The following PLOD1 variants were observed in gnomAD, a reference collection of about 807,000 sequenced individuals.
PLOD1 encodes procollagen-lysine,2-oxoglutarate 5-dioxygenase 1.
A neutral mutation model predicts 94.7 loss-of-function variants in PLOD1; 70 were observed. That is an observed-to-expected ratio of 0.74 (90% confidence interval 0.61 to 0.90). PLOD1 has a LOEUF of 0.90. Among genes scored for constraint, PLOD1 ranks in the 40% least tolerant of loss-of-function variants. The pLI is 0.00. For synonymous variants in PLOD1, 417 were observed against 400.2 expected, an observed-to-expected ratio of 1.04 and a Z score of -0.50; for missense variants, 905 against 972.7, an observed-to-expected ratio of 0.93 and a Z score of 0.93.
Position 11,958,751 on chromosome 1 carries a change from C to T in PLOD1, c.975+104C>T, listed in dbSNP as rs1645757711. On this transcript the variant is annotated intron_variant, in intron 9 of 18. Transcript: ENST00000196061. The surrounding 1 kb of genome is among the most constrained non-coding windows in gnomAD (Gnocchi z 4.3). Reference sequence around the variant, plus strand: ...GAGGGTCTCACCGAATCTAGCTTATCTGGGCCAAATGACAATCACCAGTGG... The same window carrying T: ...GAGGGTCTCACCGAATCTAGCTTATTTGGGCCAAATGACAATCACCAGTGG... The T allele has an allele frequency of 3.7e-6, 5 of 1,356,656 alleles. No homozygotes were observed. The highest frequency in any genetic ancestry group is 1.8e-4 in the Middle Eastern group (1 of 5,610). 84.0% of individuals were successfully genotyped at this position (1,356,656 alleles called of 1,614,324 possible). A position where few individuals can be genotyped will look rare whatever the true frequency, so the allele number is the denominator to read the frequency against.
At chr1:11,971,092 AGT>A in intron 17 of PLOD1, among the ~76,000 whole-genome samples, 1 of 52,532 alleles carries the variant, frequency 1.9e-5, no homozygotes, top group African/African-American at 8.6e-5. Context: ...GGCAGGGGTG[AGT>A]GGGAGTGGAA....
At chr1:11,966,155 C>T (rs951957117) in intron 14 of PLOD1, 96 bp from the exon 15 acceptor site, 55 of 884,048 alleles carry the variant, frequency 6.2e-5, no homozygotes, top group South Asian at 1.3e-4. Flanking sequence ...CTGTCAAGCA[C>T]GTACACCTTC....
rs1363026380 is a variant in PLOD1, at chr1:11,967,612, TATAA to T, written c.1755+523_1755+526del. The stretch of plus-strand genomic sequence containing the variant: ...GTGTGTGTGTGTATATATATATATA[TATAA>T]AAAGAAATATATATAGATTTTATTT... On this transcript the variant is annotated intron_variant, in intron 16 of 18. Transcript: ENST00000196061. 2.2e-3 allele frequency among the ~76,000 whole-genome samples: 274 copies of T among 124,508 alleles called. 37 individuals are homozygous for T. Among genetic ancestry groups the T allele is most frequent in the African/African-American group, 7.9e-3 (254 of 31,972 alleles). 81.7% of individuals were successfully genotyped at this position (124,508 alleles called of 152,430 possible).
At chr1:11,948,210 A>T (rs1569682507) in intron 2 of PLOD1, 143 bp downstream of exon 2, 6 of 705,052 alleles carry the variant, frequency 8.5e-6, no homozygotes, top group African/African-American at 1.7e-5. Context: ...GATGAAAATG[A>T]GTTAGTCGGG....
intron 1 of PLOD1, among the ~76,000 whole-genome samples, chr1:11,943,126 C>T (rs1050363723): frequency 6.6e-6 from 1 of 152,060 alleles, no homozygotes; most frequent in Non-Finnish European, 1.5e-5. Context: ...GCTGGGATTA[C>T]AGGCTCCCGC....
In PLOD1 at chr1:11,966,946, G is replaced by T. The variant is rs763067845; in HGVS notation, c.1651-41G>T. 4.1e-5 allele frequency: 50 copies of T among 1,205,248 alleles called. No individual in the cohort carries two copies. The Admixed American group carries it at 8.2e-4, about 20-fold the overall frequency. 74.7% of individuals were successfully genotyped at this position (1,205,248 alleles called of 1,614,324 possible). A position where few individuals can be genotyped will look rare whatever the true frequency, so the allele number is the denominator to read the frequency against. ...TGAAGAGGAAGGAGGATTCTGTGGTGCCACTGTGGACCCCCTTGACTGAGT... is the reference window on the plus strand; with the variant it reads ...TGAAGAGGAAGGAGGATTCTGTGGTTCCACTGTGGACCCCCTTGACTGAGT... On this transcript the variant is annotated intron_variant, in intron 15 of 18. Transcript: ENST00000196061.
intron 10 of PLOD1, among the ~76,000 whole-genome samples, chr1:11,962,631 C>T (rs1333516722): frequency 6.6e-6 from 1 of 152,134 alleles, no homozygotes; most frequent in Non-Finnish European, 1.5e-5. Flanking sequence ...AGTGCAGTGG[C>T]TGTAATCCCA....
At position 11,958,517 on chromosome 1, in the gene PLOD1, A is replaced by G; in HGVS notation, c.845A>G (p.Asp282Gly). The G allele has an allele frequency of 6.2e-7, 1 of 1,613,718 alleles. No individual in the cohort carries two copies. Among genetic ancestry groups the G allele is most frequent in the Non-Finnish European group, 8.5e-7 (1 of 1,179,914 alleles). Residue 282 changes from aspartate to glycine, a missense_variant and splice_region_variant, in exon 9 of 19, where the codon GAT becomes GGT. Physicochemically the swap from Asp to Gly is moderately conservative, Grantham distance 94. Transcript: ENST00000196061. This position sits in a 1 kb window ranked among gnomAD's most constrained non-coding sequence, Gnocchi z 4.3. ...EGLRSLKGIG[D>G]EALPTVLVGV... is the part of the protein sequence containing the mutation. ...CTTGTGCCGCCCTCCCTGGTGCAGG[A>G]TGAAGCTCTGCCCACGGTCCTGGTC...
chr1:11,967,213 G>A (rs1251869307), intron 16 of PLOD1, 122 bp downstream of exon 16: 1 of 700,818 alleles, frequency 1.4e-6, no homozygotes. Context: ...TGACATAGGG[G>A]TGCTGGCATG....
chr1:11,956,806 C>T (rs1057179054), intron 6 of PLOD1, 111 bp from the exon 7 acceptor site: 6 of 774,542 alleles, frequency 7.7e-6, no homozygotes, highest in Admixed American at 1.7e-5. Flanking sequence ...AGTGACTTGC[C>T]CGAGGACATA....
At position 11,957,799 on chromosome 1, in the gene PLOD1, TG is replaced by T; in HGVS notation, c.742-39del. Reference sequence around the variant, plus strand: ...AGATGTGAGTCAGGGCTATGGCAGGTGGGGCTGGCTGGCTTCTCTGTGACCC... The same window carrying T: ...AGATGTGAGTCAGGGCTATGGCAGGTGGGCTGGCTGGCTTCTCTGTGACCC... On this transcript the variant is annotated intron_variant, in intron 7 of 18. Transcript: ENST00000196061. This position sits in a 1 kb window ranked among gnomAD's most constrained non-coding sequence, Gnocchi z 4.1. 7.4e-7 allele frequency: 1 copy of T among 1,357,834 alleles called. No individual in the cohort carries two copies. Among genetic ancestry groups the T allele is most frequent in the Non-Finnish European group, 1.1e-6 (1 of 947,514 alleles). 84.1% of individuals were successfully genotyped at this position (1,357,834 alleles called of 1,614,324 possible).
intron 1 of PLOD1, among the ~76,000 whole-genome samples, chr1:11,937,144 G>A (rs375527427): frequency 4.6e-5 from 7 of 152,156 alleles, no homozygotes; most frequent in African/African-American, 1.4e-4. Context: ...CACCGCGCCC[G>A]GCCAGGAACT....
At chr1:11,974,305 C>T (rs183535594) in intron 18 of PLOD1, among the ~76,000 whole-genome samples, 349 of 152,080 alleles carry the variant, frequency 2.3e-3, no homozygotes, top group Non-Finnish European at 4.1e-3. Flanking sequence ...GTCTCAGCTT[C>T]CCGAATAGCT....
chr1:11,941,959 C>T (rs565672859), intron 1 of PLOD1, among the ~76,000 whole-genome samples: 121 of 150,028 alleles, frequency 8.1e-4, no homozygotes, highest in African/African-American at 2.9e-3. Context: ...GCTGGGATTA[C>T]AGGTGTGTGA....
chr1:11,968,839 CTTTTT>C (rs566417062), intron 16 of PLOD1, among the ~76,000 whole-genome samples: 6 of 124,060 alleles, frequency 4.8e-5, no homozygotes, highest in East Asian at 4.7e-4. Flanking sequence ...TTTCTACGTC[CTTTTT>C]TTTTTTTTTT....
At chr1:11,968,297 C>G (rs1005721081) in intron 16 of PLOD1, among the ~76,000 whole-genome samples, 29 of 151,744 alleles carry the variant, frequency 1.9e-4, no homozygotes, top group Middle Eastern at 3.4e-3. Context: ...TTTTAATGAT[C>G]CCAGAACATT....
chr1:11,943,205 G>A (rs1325108261), intron 1 of PLOD1, among the ~76,000 whole-genome samples: 1 of 151,722 alleles, frequency 6.6e-6, no homozygotes, highest in Non-Finnish European at 1.5e-5. Context: ...GGCCAGGCTG[G>A]TCTTGAACTC....
intron 17 of PLOD1, 57 bp downstream of exon 17, chr1:11,970,873 G>T: frequency 2.2e-6 from 3 of 1,381,288 alleles, no homozygotes; most frequent in Non-Finnish European, 2.0e-6. Context: ...GGTGTCAGTG[G>T]AGTGGCTGGG....
rs929654885 is a variant in PLOD1, at chr1:11,966,172, A to G, written c.1585-79A>G. 2.9e-6 allele frequency: 3 copies of G among 1,052,192 alleles called. No homozygotes were observed. In the African/African-American group the frequency reaches 4.7e-5, roughly 17 times the overall value. The allele number at this position is 1,052,192 out of a possible 1,614,324, so 65.2% of individuals were successfully genotyped here. A position where few individuals can be genotyped will look rare whatever the true frequency, so the allele number is the denominator to read the frequency against. On this transcript the variant is annotated intron_variant, in intron 14 of 18. Transcript: ENST00000196061. ...GTCAAGCACGTACACCTTCACTCCCACTTTGAGGGGTCTGCTCTGAGCATC... is the reference window on the plus strand; with the variant it reads ...GTCAAGCACGTACACCTTCACTCCCGCTTTGAGGGGTCTGCTCTGAGCATC...
Sources: allele counts gnomAD v4.1 joint callset (sites outside exome capture counted in the v4.1 genomes callset), GRCh38; gene constraint gnomAD v4.1.1; non-coding constraint Gnocchi (gnomAD v3.1); transcripts MANE v1.5; gene names NCBI Gene and HGNC (gene_info 2026-07-23, HGNC 2026-07-21).